Variants in PSD3 observed in about 807,000 individuals in gnomAD.
PSD3 encodes the protein pleckstrin and Sec7 domain containing 3, also known as PH and SEC7 domain-containing protein 3.
Under a neutral mutation model 105.5 loss-of-function variants are expected in PSD3, and 49 were observed. That is an observed-to-expected ratio of 0.46 (90% confidence interval 0.37 to 0.59). The LOEUF is 0.59. PSD3 is among the 20% of genes least tolerant of loss of function. The probability of loss-of-function intolerance (pLI) is 0.00; values close to 1 mark genes in which losing one functional copy is unlikely to be tolerated. For missense variants in PSD3, 1,561 were observed against 1,263.8 expected (o/e 1.24, Z -3.57); for synonymous variants, 557 against 457.8 (o/e 1.22, Z -2.77).
At chr8:18,776,526 G>A (rs554095036) in intron 8 of PSD3, among the ~76,000 whole-genome samples, 1 of 151,760 alleles carries the variant, frequency 6.6e-6, no homozygotes. Flanking sequence ...TGGGACTACA[G>A]GCCACCACAC....
intron 15 of PSD3, among the ~76,000 whole-genome samples, chr8:18,548,219 G>T (rs1288930524): frequency 6.6e-6 from 1 of 151,982 alleles, no homozygotes; most frequent in Admixed American, 6.6e-5. Flanking sequence ...TTTCATTGAG[G>T]AATCAATGAA....
intron 9 of PSD3, among the ~76,000 whole-genome samples, chr8:18,668,878 A>G (rs1047021979): frequency 6.6e-5 from 10 of 152,238 alleles, no homozygotes; most frequent in Non-Finnish European, 1.2e-4. Context: ...TGCTATCCAC[A>G]GTATTACATT....
At chr8:18,988,125 A>T (rs1336112246) in intron 1 of PSD3, among the ~76,000 whole-genome samples, 1 of 151,766 alleles carries the variant, frequency 6.6e-6, no homozygotes, top group African/African-American at 2.4e-5. Context: ...ATATATATAT[A>T]TACACATGAA....
chr8:18,557,658 T>C (rs905642100), intron 14 of PSD3, among the ~76,000 whole-genome samples: 9 of 152,180 alleles, frequency 5.9e-5, no homozygotes, highest in East Asian at 1.9e-4. Context: ...ATGCCAACTA[T>C]AACAAAACAA....
chr8:18,642,673 G>C (rs963965108), intron 10 of PSD3, among the ~76,000 whole-genome samples: 1 of 152,064 alleles, frequency 6.6e-6, no homozygotes, highest in South Asian at 2.1e-4. Flanking sequence ...TGAATATTCT[G>C]AAGATAATGT....
At chr8:19,075,106 C>A (rs567140665) in intron 1 of PSD3, among the ~76,000 whole-genome samples, 5 of 151,614 alleles carry the variant, frequency 3.3e-5, no homozygotes, top group African/African-American at 9.7e-5. Context: ...ACACCATGCC[C>A]GGCTAATATT....
chr8:18,783,379 T>C (rs1307034943), intron 8 of PSD3, among the ~76,000 whole-genome samples: 3 of 152,178 alleles, frequency 2.0e-5, no homozygotes, highest in Non-Finnish European at 2.9e-5. Flanking sequence ...TCAACTTTTG[T>C]CAGTTGTTGA....
chr8:18,870,237 C>T (rs1488387102), intron 3 of PSD3, among the ~76,000 whole-genome samples: 1 of 152,002 alleles, frequency 6.6e-6, no homozygotes, highest in Non-Finnish European at 1.5e-5. Flanking sequence ...GATGCTCTCC[C>T]GTATAAACTA....
intron 8 of PSD3, among the ~76,000 whole-genome samples, chr8:18,792,577 G>A (rs1422056568): frequency 6.6e-6 from 1 of 152,174 alleles, no homozygotes; most frequent in Admixed American, 6.5e-5. Context: ...TGGAGGGTGG[G>A]AGGAGTAAGA....
At chr8:18,740,443 A>G (rs1362578122) in intron 9 of PSD3, among the ~76,000 whole-genome samples, 2 of 152,146 alleles carry the variant, frequency 1.3e-5, no homozygotes, top group Non-Finnish European at 2.9e-5. Context: ...AAAATTCTCA[A>G]GTAGAATCCA....
chr8:19,033,423 T>G (rs1245306372), intron 1 of PSD3, among the ~76,000 whole-genome samples: 1 of 152,218 alleles, frequency 6.6e-6, no homozygotes, highest in Non-Finnish European at 1.5e-5. Context: ...TTTCGAAGTT[T>G]ACTTTTGATT....
chr8:18,545,362 G>A (rs961189671), intron 15 of PSD3, among the ~76,000 whole-genome samples: 5 of 151,972 alleles, frequency 3.3e-5, no homozygotes, highest in African/African-American at 1.2e-4. Flanking sequence ...GTTTCCAAAG[G>A]TCCCACCCAG....
At chr8:18,578,367 C>G (rs189424446) in intron 12 of PSD3, among the ~76,000 whole-genome samples, 130 of 152,236 alleles carry the variant, frequency 8.5e-4, no homozygotes, top group African/African-American at 3.0e-3. Context: ...CCAGCTACGG[C>G]TGCATCCAGT....
intron 11 of PSD3, among the ~76,000 whole-genome samples, chr8:18,627,400 C>G (rs1032863008): frequency 2.6e-5 from 4 of 151,912 alleles, no homozygotes; most frequent in African/African-American, 7.3e-5. Context: ...GCTGTAGCAT[C>G]GATCTTAGCA....
intron 8 of PSD3, among the ~76,000 whole-genome samples, chr8:18,766,040 T>C (rs1371962886): frequency 6.6e-6 from 1 of 151,150 alleles, no homozygotes; most frequent in African/African-American, 2.4e-5. Flanking sequence ...TATTTACAAA[T>C]ACAGGGCTGG....
chr8:18,539,575 G>A (rs1490234204), intron 15 of PSD3, among the ~76,000 whole-genome samples: 2 of 144,612 alleles, frequency 1.4e-5, no homozygotes, highest in African/African-American at 2.6e-5. Flanking sequence ...TTGAGACGGA[G>A]TCTTGCTCTG....
At chr8:18,970,978 C>CAA (rs535176539) in intron 1 of PSD3, among the ~76,000 whole-genome samples, 4 of 115,664 alleles carry the variant, frequency 3.5e-5, no homozygotes, top group African/African-American at 9.5e-5. Context: ...GACTCTGTCT[C>CAA]AAGAAAAAAA....
At chr8:19,034,778 A>G (rs1185139859) in intron 1 of PSD3, among the ~76,000 whole-genome samples, 1 of 152,064 alleles carries the variant, frequency 6.6e-6, no homozygotes, top group Non-Finnish European at 1.5e-5. Flanking sequence ...TGTAGCTTCC[A>G]CACGTTCACT....
chr8:19,060,069 G>A (rs1277368546), intron 1 of PSD3, among the ~76,000 whole-genome samples: 5 of 152,170 alleles, frequency 3.3e-5, no homozygotes, highest in Admixed American at 6.5e-5. Flanking sequence ...CTTTTATGTC[G>A]TATTATGTAG....
Sources: allele counts gnomAD v4.1 joint callset (sites outside exome capture counted in the v4.1 genomes callset), GRCh38; gene constraint gnomAD v4.1.1; transcripts MANE v1.5; gene names NCBI Gene and HGNC (gene_info 2026-07-23, HGNC 2026-07-21).